AADAT: variants seen among roughly 807,000 people sequenced by gnomAD.
The protein encoded by AADAT is kynurenine/alpha-aminoadipate aminotransferase, mitochondrial.
A neutral mutation model predicts 56.2 loss-of-function variants in AADAT; 25 were observed. That is an observed-to-expected ratio of 0.44 (90% CI 0.32 to 0.62). The LOEUF (loss-of-function observed/expected upper bound fraction) is 0.62, where lower values mean the gene tolerates loss of function less well. Among genes scored for constraint, AADAT ranks in the 20% least tolerant of loss-of-function variants. AADAT has a pLI of 0.04. For missense variants in AADAT, 387 were observed against 510.5 expected (o/e 0.76, Z 2.33); for synonymous variants, 173 against 164.7 (o/e 1.05, Z -0.39).
rs768149318 is a variant in AADAT, at chr4:170,078,614, G to A, written c.370-31C>T. On this transcript the variant is annotated intron_variant, in intron 3 of 12. Coordinates refer to ENST00000337664, the MANE Select transcript of AADAT (RefSeq NM_016228.4). ...AAAAGAAGCATAGGTTAGCTTGTTA[G>A]TCAGCATAGGTTAGTACTGTTTCCA... is the stretch of plus-strand genomic sequence containing the variant. 3.3e-6 allele frequency: 5 copies of A among 1,501,140 alleles called. No homozygotes were observed. In the South Asian group the frequency reaches 3.5e-5, roughly 11 times the overall value. 93.0% of individuals were successfully genotyped at this position (1,501,140 alleles called of 1,614,324 possible). A position where few individuals can be genotyped will look rare whatever the true frequency, so the allele number is the denominator to read the frequency against.
chr4:170,092,768 A>T (rs1732905629), upstream of AADAT, among the ~76,000 whole-genome samples: 1 of 152,236 alleles, frequency 6.6e-6, no homozygotes, highest in African/African-American at 2.4e-5. Flanking sequence ...GTGTTAAACT[A>T]ATCAGTGCAG....
At chr4:170,065,459 T>C (rs1405237341) in intron 10 of AADAT, among the ~76,000 whole-genome samples, 1 of 151,988 alleles carries the variant, frequency 6.6e-6, no homozygotes, top group Admixed American at 6.6e-5. Context: ...TCTTCAGTAC[T>C]ATTATGCAAA....
upstream of AADAT, among the ~76,000 whole-genome samples, chr4:170,092,611 A>C (rs1581606393): frequency 6.6e-6 from 1 of 152,232 alleles, no homozygotes; most frequent in African/African-American, 2.4e-5. Flanking sequence ...GAAACCCACG[A>C]GGCAAAATGC....
intron 3 of AADAT, among the ~76,000 whole-genome samples, chr4:170,086,237 C>A (rs1258471119): frequency 1.3e-5 from 2 of 151,154 alleles, no homozygotes; most frequent in Non-Finnish European, 2.9e-5. Flanking sequence ...CAGGGTGAGA[C>A]CCTGTCTCAA....
intron 11 of AADAT, 133 bp downstream of exon 11, chr4:170,064,586 A>G: frequency 1.5e-6 from 1 of 665,882 alleles, no homozygotes; most frequent in East Asian, 2.9e-5. Context: ...GCAATAAAAT[A>G]TCTAATATTA....
At chr4:170,081,807 TGGGATTA>T (rs1732329548) in intron 3 of AADAT, among the ~76,000 whole-genome samples, 1 of 152,216 alleles carries the variant, frequency 6.6e-6, no homozygotes, top group Non-Finnish European at 1.5e-5. Context: ...CCCAAAGAGC[TGGGATTA>T]CAGGCGTGAG....
chr4:170,066,536 C>G (rs781631913), intron 9 of AADAT, 58 bp from the exon 10 acceptor site: 3 of 1,259,358 alleles, frequency 2.4e-6, no homozygotes, highest in Non-Finnish European at 3.5e-6. Context: ...AGAAGCAAAA[C>G]AGTCTCCAGA....
At chr4:170,092,506 CTGT>C (rs1389673881), upstream of AADAT, among the ~76,000 whole-genome samples, 1 of 152,244 alleles carries the variant, frequency 6.6e-6, no homozygotes, top group Non-Finnish European at 1.5e-5. Context: ...ACTTTAAGAA[CTGT>C]TAACACACCG....
chr4:170,093,266 T>TA (rs1233015994), upstream of AADAT, among the ~76,000 whole-genome samples: 1 of 152,002 alleles, frequency 6.6e-6, no homozygotes, highest in African/African-American at 2.4e-5. Flanking sequence ...CCATCTCTAC[T>TA]AAAAAATACA....
chr4:170,082,339 A>G (rs1188976507), intron 3 of AADAT, among the ~76,000 whole-genome samples: 1 of 152,192 alleles, frequency 6.6e-6, no homozygotes, highest in African/African-American at 2.4e-5. Flanking sequence ...AGTTGATCCA[A>G]GATAAGTTGT....
At position 170,060,490 on chromosome 4, in the gene AADAT, T is replaced by A. The variant is rs1731142730; in HGVS notation, c.*438A>T. The A allele has an allele frequency of 6.5e-6, 1 of 152,922 alleles. No homozygotes were observed. The highest frequency in any genetic ancestry group is 6.5e-5 in the Admixed American group (1 of 15,304). The allele number at this position is 152,922 out of a possible 1,614,324, so 9.5% of individuals were successfully genotyped here. A position where few individuals can be genotyped will look rare whatever the true frequency, so the allele number is the denominator to read the frequency against. Reference sequence around the variant, plus strand: ...TACAAAGCAACTACAAAGTTCTTCATAATAAATCCAAGATAAAAGTAACTT... The same window carrying A: ...TACAAAGCAACTACAAAGTTCTTCAAAATAAATCCAAGATAAAAGTAACTT... On this transcript the variant is annotated 3_prime_UTR_variant, in exon 13 of 13. Coordinates refer to ENST00000337664, the MANE Select transcript of AADAT (RefSeq NM_016228.4).
rs949251720 is a variant in AADAT, at chr4:170,061,783, T to G, written c.1236+109A>C. The G allele has an allele frequency of 2.3e-5, 17 of 730,582 alleles. No homozygotes were observed. The South Asian group carries it at 5.5e-4, about 23-fold the overall frequency. The allele number at this position is 730,582 out of a possible 1,614,324, so 45.3% of individuals were successfully genotyped here. ...GACTGGTCAACAAATATCTGAATTT[T>G]AGAAACCCAAACAGATATTAAGTAA... On this transcript the variant is annotated intron_variant, in intron 12 of 12. Transcript: ENST00000337664.
intron 4 of AADAT, among the ~76,000 whole-genome samples, chr4:170,074,915 TA>T (rs1465841918): frequency 3.3e-5 from 5 of 152,134 alleles, no homozygotes; most frequent in African/African-American, 9.7e-5. Context: ...AATGAGGTTC[TA>T]AAAAAATTGC....
upstream of AADAT, among the ~76,000 whole-genome samples, chr4:170,094,159 T>C (rs1243476690): frequency 1.3e-5 from 2 of 152,138 alleles, no homozygotes. Flanking sequence ...AAATGGCCCA[T>C]CAGGGCAGGC....
In AADAT at chr4:170,073,148, C is replaced by A; in HGVS notation, c.642G>T (p.Lys214Asn). 1 of 1,614,016 alleles carries A rather than the reference C, an allele frequency of 6.2e-7. No individual in the cohort carries two copies. Among genetic ancestry groups the A allele is most frequent in the Non-Finnish European group, 8.5e-7 (1 of 1,179,994 alleles). The change falls in exon 5 of 13, where the codon AAG (lysine) becomes AAT (asparagine). Residue 214 changes from lysine (K) to asparagine (N), a missense_variant. Physicochemically the swap from Lys to Asn is moderately conservative, Grantham distance 94 (BLOSUM62 0). Coordinates refer to ENST00000337664, the MANE Select transcript of AADAT (RefSeq NM_016228.4). ...TGNSLTSERK[K>N]EIYELARKYD... ...TCTTCTACAATACCTCATAGATTTC[C>A]TTTTTGCGTTCACTGGTTAATGAGT...
intron 11 of AADAT, among the ~76,000 whole-genome samples, chr4:170,062,633 A>C (rs1731250204): frequency 6.6e-6 from 1 of 152,212 alleles, no homozygotes; most frequent in Non-Finnish European, 1.5e-5. Context: ...ACTGACTGTA[A>C]GCTCCATTTC....
intron 4 of AADAT, among the ~76,000 whole-genome samples, chr4:170,073,742 G>A (rs561185443): frequency 2.6e-5 from 4 of 152,146 alleles, no homozygotes; most frequent in South Asian, 2.1e-4. Context: ...CTCGTGATCC[G>A]CCCGCCTTGG....
intron 1 of AADAT, 38 bp downstream of exon 1, chr4:170,089,586 C>T (rs760471523): frequency 1.2e-6 from 2 of 1,612,228 alleles, no homozygotes; most frequent in African/African-American, 1.3e-5. Context: ...GCGAGGAATG[C>T]CCCACCCCAA....
chr4:170,073,512 T>A (rs865816136), intron 4 of AADAT, among the ~76,000 whole-genome samples, 167 bp from the exon 5 acceptor site: 63 of 145,472 alleles, frequency 4.3e-4, no homozygotes, highest in African/African-American at 1.6e-3. Context: ...CATTTATTTA[T>A]TTTTTTTTTT....
Sources: allele counts gnomAD v4.1 joint callset (sites outside exome capture counted in the v4.1 genomes callset), GRCh38; gene constraint gnomAD v4.1.1; transcripts MANE v1.5; gene names NCBI Gene and HGNC (gene_info 2026-07-23, HGNC 2026-07-21).